Variants in TMEM132D observed in about 807,000 individuals in gnomAD.
The protein encoded by TMEM132D is transmembrane protein 132D.
In TMEM132D, 21 loss-of-function variants were observed where a neutral mutation model predicts 62.3. The ratio of observed to expected loss-of-function variants is 0.34; its 90% CI spans 0.24 to 0.49. The LOEUF is 0.49. Among genes scored for constraint, TMEM132D ranks in the 20% least tolerant of loss-of-function variants. The pLI is 0.99. For missense variants in TMEM132D, 1,346 were observed against 1,402.8 expected, an observed-to-expected ratio of 0.96 and a Z score of 0.65; for synonymous variants, 621 against 575.6, an observed-to-expected ratio of 1.08 and a Z score of -1.13.
intron 1 of TMEM132D, among the ~76,000 whole-genome samples, chr12:129,702,690 G>C (rs144715594): frequency 7.5e-4 from 114 of 152,346 alleles, no homozygotes; most frequent in African/African-American, 2.5e-3. Flanking sequence ...ATGCACTCCA[G>C]TGTGTGATAT....
intron 2 of TMEM132D, 70 bp from the exon 3 acceptor site, chr12:129,531,275 C>G: frequency 6.7e-7 from 1 of 1,500,202 alleles, no homozygotes; most frequent in Non-Finnish European, 8.9e-7. Flanking sequence ...GTTCTGGGAA[C>G]ACGGGGAGCT....
intron 1 of TMEM132D, among the ~76,000 whole-genome samples, chr12:129,769,130 G>A (rs1475794646): frequency 2.0e-5 from 3 of 152,172 alleles, no homozygotes; most frequent in African/African-American, 7.2e-5. Flanking sequence ...AGGGAGGGAA[G>A]GGATGTACTC....
chr12:129,138,974 C>A (rs914311508), intron 5 of TMEM132D, among the ~76,000 whole-genome samples: 1 of 152,182 alleles, frequency 6.6e-6, no homozygotes, highest in African/African-American at 2.4e-5. Context: ...GACATCCTGA[C>A]TTTCAGCTCT....
At chr12:129,632,137 G>C (rs904961419) in intron 2 of TMEM132D, among the ~76,000 whole-genome samples, 2 of 152,128 alleles carry the variant, frequency 1.3e-5, no homozygotes, top group African/African-American at 4.8e-5. Flanking sequence ...ACTATTAAAG[G>C]GTTTTGGAAA....
intron 2 of TMEM132D, among the ~76,000 whole-genome samples, chr12:129,643,442 C>T (rs1879693042): frequency 6.6e-6 from 1 of 152,226 alleles, no homozygotes; most frequent in South Asian, 2.1e-4. Flanking sequence ...GCTGCGTTCT[C>T]TGCACAACAG....
intron 5 of TMEM132D, among the ~76,000 whole-genome samples, chr12:129,168,056 T>A (rs1877615172): frequency 6.6e-6 from 1 of 152,318 alleles, no homozygotes; most frequent in East Asian, 1.9e-4. Context: ...ATTATAGCCA[T>A]ATTCACTGAG....
intron 1 of TMEM132D, among the ~76,000 whole-genome samples, chr12:129,833,675 T>C (rs1409067109): frequency 6.6e-6 from 1 of 152,178 alleles, no homozygotes; most frequent in African/African-American, 2.4e-5. Context: ...CTGTTTTTAA[T>C]GTGAATTTGT....
intron 4 of TMEM132D, among the ~76,000 whole-genome samples, chr12:129,244,669 CT>C (rs1880045105): frequency 6.6e-6 from 1 of 151,950 alleles, no homozygotes; most frequent in Non-Finnish European, 1.5e-5. Flanking sequence ...GAGACAGAGT[CT>C]TGCTCTATTG....
chr12:129,240,358 TC>T (rs1281216385), intron 4 of TMEM132D, among the ~76,000 whole-genome samples: 1 of 152,090 alleles, frequency 6.6e-6, no homozygotes, highest in Non-Finnish European at 1.5e-5. Context: ...GGTTTGAATA[TC>T]CCCCCACAGT....
intron 1 of TMEM132D, among the ~76,000 whole-genome samples, chr12:129,793,071 T>A (rs2137299996): frequency 6.9e-6 from 1 of 144,806 alleles, no homozygotes; most frequent in South Asian, 2.2e-4. Context: ...ATGCTTTTTA[T>A]TCTTTTTTTT....
intron 5 of TMEM132D, among the ~76,000 whole-genome samples, chr12:129,177,111 G>A (rs1013521811): frequency 6.6e-6 from 1 of 151,908 alleles, no homozygotes; most frequent in Non-Finnish European, 1.5e-5. Flanking sequence ...TAGAAAATGG[G>A]GAATTAACTA....
intron 5 of TMEM132D, among the ~76,000 whole-genome samples, chr12:129,205,278 A>G (rs1162931093): frequency 6.6e-6 from 1 of 151,632 alleles, no homozygotes; most frequent in African/African-American, 2.4e-5. Flanking sequence ...CCCATCTCAC[A>G]TGTAGTGACA....
rs187321912 is a variant in TMEM132D at position 129,309,206 on chromosome 12, T to A, written c.1299+28428A>T. Among the ~76,000 whole-genome samples, 15 of 152,228 alleles carry A rather than the reference T, an allele frequency of 9.9e-5. No individual in the cohort carries two copies. In the East Asian group the frequency reaches 2.5e-3, roughly 25 times the overall value. On this transcript the variant is annotated intron_variant, in intron 4 of 8. Transcript: ENST00000422113. ...CTTTAAATAGGTAACTCTTCTTAGG[T>A]CCTGTATTATATTAATATATTCCCT...
chr12:129,550,234 AT>A (rs11285078), intron 2 of TMEM132D, among the ~76,000 whole-genome samples: 133,987 of 151,978 alleles, frequency 0.88, 59,136 homozygotes, highest in East Asian at 0.99. Flanking sequence ...CCATACTGGT[AT>A]TTTTTTTTCT....
intron 7 of TMEM132D, among the ~76,000 whole-genome samples, chr12:129,079,510 C>G (rs1381012645): frequency 6.6e-6 from 1 of 152,178 alleles, no homozygotes; most frequent in South Asian, 2.1e-4. Flanking sequence ...TCTCACCCTT[C>G]GCCCAAATGA....
At position 129,524,461 on chromosome 12, in the gene TMEM132D, A is replaced by G. The variant is rs557130305; in HGVS notation, c.1115+6598T>C. Among the ~76,000 whole-genome samples the G allele has an allele frequency of 2.0e-5, 3 of 152,312 alleles. No homozygotes were observed. The South Asian group carries it at 6.2e-4, about 32-fold the overall frequency. On this transcript the variant is annotated intron_variant, in intron 3 of 8. Transcript: ENST00000422113. ...ATTTCTTGCTGATATACACAGATCA[A>G]TGGCATCCCTCATAATTGCTGCATA...
rs146574248 is a variant in TMEM132D, at chr12:129,546,197, A to G, written c.969-14992T>C. 9.3e-4 allele frequency among the ~76,000 whole-genome samples: 141 copies of G among 152,310 alleles called. 1 individual carries two copies. The East Asian group carries it at 0.026, about 28-fold the overall frequency. ...TGCCCAGGTACTCTGCCCTGCAATC[A>G]TAACCAAGAATGTGCTTATTTTATT... On this transcript the variant is annotated intron_variant, in intron 2 of 8. Coordinates refer to ENST00000422113, the MANE Select transcript of TMEM132D (RefSeq NM_133448.3).
chr12:129,648,022 C>T (rs1879830945), intron 2 of TMEM132D, among the ~76,000 whole-genome samples: 1 of 152,152 alleles, frequency 6.6e-6, no homozygotes, highest in South Asian at 2.1e-4. Flanking sequence ...AAAACAAAGT[C>T]CCTCCCTGTT....
At chr12:129,498,240 G>A (rs924492359) in intron 3 of TMEM132D, among the ~76,000 whole-genome samples, 4 of 125,264 alleles carry the variant, frequency 3.2e-5, no homozygotes, top group African/African-American at 1.0e-4. Flanking sequence ...AGATGTATCT[G>A]TCCAAAATCT....
Sources: allele counts gnomAD v4.1 joint callset (sites outside exome capture counted in the v4.1 genomes callset), GRCh38; gene constraint gnomAD v4.1.1; transcripts MANE v1.5; gene names NCBI Gene and HGNC (gene_info 2026-07-23, HGNC 2026-07-21).